Variants in SNX8 observed in about 807,000 individuals in gnomAD.
SNX8 encodes the protein sorting nexin 8, also known as sorting nexin-8.
SNX8 carries 25 observed loss-of-function variants against 51.6 expected under a neutral mutation model. That is an observed-to-expected ratio of 0.48 (90% CI 0.35 to 0.68). SNX8 has a LOEUF of 0.68. Among genes scored for constraint, SNX8 ranks in the 30% least tolerant of loss-of-function variants. The pLI is 0.00. For missense variants in SNX8, 695 were observed against 624.0 expected (o/e 1.11, Z -1.21); for synonymous variants, 324 against 277.0 (o/e 1.17, Z -1.68).
At chr7:2,321,713 CTTT>C (rs59105866) in intron 1 of SNX8, among the ~76,000 whole-genome samples, 4 of 88,668 alleles carry the variant, frequency 4.5e-5, no homozygotes, top group African/African-American at 1.6e-4. Context: ...CGCGCCCGGC[CTTT>C]TTTTTTTTTT....
In SNX8 at chr7:2,252,624, C is replaced by T. The variant is rs117311258; in HGVS notation, c.*2432G>A. ...TGCCCTCGTCACCGCTGCCCTCCAG[C>T]CCCCCCTTCACCCTGCCCTCCTGAC... On this transcript the variant is annotated 3_prime_UTR_variant, in exon 11 of 11. Transcript: ENST00000222990. 4,236 of 147,320 alleles carry T rather than the reference C, an allele frequency of 0.029. 94 individuals are homozygous for T. The highest frequency in any genetic ancestry group is 0.053 in the Middle Eastern group (15 of 284). 9.1% of individuals were successfully genotyped at this position (147,320 alleles called of 1,614,324 possible). A position where few individuals can be genotyped will look rare whatever the true frequency, so the allele number is the denominator to read the frequency against.
At chr7:2,267,546 G>A (rs1156375274) in intron 5 of SNX8, among the ~76,000 whole-genome samples, 2 of 133,840 alleles carry the variant, frequency 1.5e-5, no homozygotes, top group South Asian at 2.7e-4. Context: ...GCCCCTAACC[G>A]CGAGTGATCC....
upstream of SNX8, among the ~76,000 whole-genome samples, chr7:2,316,604 C>T (rs1000742358): frequency 2.0e-5 from 3 of 150,370 alleles, no homozygotes; most frequent in East Asian, 2.0e-4. Flanking sequence ...CACTCACTCA[C>T]GCACTGCATC....
chr7:2,288,882 C>G (rs1320218408), intron 1 of SNX8, among the ~76,000 whole-genome samples: 1 of 152,146 alleles, frequency 6.6e-6, no homozygotes, highest in African/African-American at 2.4e-5. Flanking sequence ...ACCACAGGCA[C>G]ATGCCACCAC....
At chr7:2,297,542 C>A (rs1269816482) in intron 1 of SNX8, among the ~76,000 whole-genome samples, 2 of 133,464 alleles carry the variant, frequency 1.5e-5, no homozygotes, top group African/African-American at 5.6e-5. Context: ...AGGAGCAAAA[C>A]CCCGCCGCAA....
intron 1 of SNX8, among the ~76,000 whole-genome samples, chr7:2,300,943 CCT>C (rs927718552): frequency 9.9e-5 from 15 of 152,040 alleles, no homozygotes; most frequent in African/African-American, 3.1e-4. Context: ...GTGCCCAGCC[CCT>C]GTTGTGGAGC....
intron 1 of SNX8, among the ~76,000 whole-genome samples, chr7:2,342,878 AGT>A (rs1778958733): frequency 1.3e-5 from 2 of 151,618 alleles, no homozygotes; most frequent in African/African-American, 4.8e-5. Context: ...GCTGGAGTGC[AGT>A]GGCATGATCT....
chr7:2,346,732 C>A (rs562211214), intron 1 of SNX8, among the ~76,000 whole-genome samples: 1 of 95,260 alleles, frequency 1.0e-5, no homozygotes, highest in Non-Finnish European at 2.0e-5. Flanking sequence ...GGCTGGACTC[C>A]GTCTCAAAAA....
At chr7:2,292,727 A>AAAG (rs1347014390) in intron 1 of SNX8, among the ~76,000 whole-genome samples, 1 of 152,098 alleles carries the variant, frequency 6.6e-6, no homozygotes, top group African/African-American at 2.4e-5. Flanking sequence ...AAGACTTCTT[A>AAAG]GATATGACAC....
intron 1 of SNX8, among the ~76,000 whole-genome samples, chr7:2,279,484 G>A (rs1376932301): frequency 2.6e-5 from 4 of 152,178 alleles, no homozygotes; most frequent in South Asian, 2.1e-4. Flanking sequence ...AGGCACCATG[G>A]CTCACGCCTG....
chr7:2,309,336 G>A (rs1320670349), intron 1 of SNX8, among the ~76,000 whole-genome samples: 1 of 152,140 alleles, frequency 6.6e-6, no homozygotes, highest in African/African-American at 2.4e-5. Flanking sequence ...ATCCTTCCTG[G>A]CCAACATGGC....
At chr7:2,256,808 G>A in intron 10 of SNX8, 66 bp downstream of exon 10, 4 of 1,534,460 alleles carry the variant, frequency 2.6e-6, no homozygotes, top group Non-Finnish European at 3.5e-6. Context: ...TGCCGGGCTT[G>A]AAGGAAGGGC....
chr7:2,319,318 G>A (rs1433731425), upstream of SNX8, among the ~76,000 whole-genome samples: 1 of 151,574 alleles, frequency 6.6e-6, no homozygotes, highest in Non-Finnish European at 1.5e-5. Flanking sequence ...CTCCAGCCTG[G>A]GTGACAGAGT....
chr7:2,326,355 C>A (rs1778621081), intron 1 of SNX8, among the ~76,000 whole-genome samples: 1 of 147,838 alleles, frequency 6.8e-6, no homozygotes, highest in Non-Finnish European at 1.5e-5. Flanking sequence ...GAGAGTGAGA[C>A]CCTGTCTCTT....
At chr7:2,320,891 G>T (rs932805165) in intron 1 of SNX8, among the ~76,000 whole-genome samples, 2 of 151,938 alleles carry the variant, frequency 1.3e-5, no homozygotes, top group African/African-American at 4.8e-5. Flanking sequence ...CTGGTGGTGG[G>T]TGCCTGTAAT....
intron 1 of SNX8, among the ~76,000 whole-genome samples, chr7:2,331,649 G>A (rs756989807): frequency 2.2e-4 from 34 of 151,824 alleles, no homozygotes; most frequent in Non-Finnish European, 3.7e-4. Context: ...AGCTTGCAGT[G>A]AGCCAAGATC....
chr7:2,278,146 T>C lies in SNX8; in HGVS notation c.254A>G (p.Lys85Arg). 1 of 1,614,162 alleles carries C rather than the reference T, an allele frequency of 6.2e-7. No homozygotes were observed. Among genetic ancestry groups the C allele is most frequent in the Non-Finnish European group, 8.5e-7 (1 of 1,180,014 alleles). Residue 85 changes from lysine to arginine, a missense_variant, in exon 2 of 11, where the codon AAG becomes AGG. Physicochemically the swap from Lys to Arg is conservative, Grantham distance 26. Transcript: ENST00000222990. The part of the protein sequence containing the change: ...DTVQVELIPE[K>R]KGLFLKHVEY... The stretch of plus-strand genomic sequence containing the variant: ...CACATGCTTCAGGAAGAGGCCCTTC[T>C]TCTCCGGAATGAGCTCCACCTGCAC...
At chr7:2,303,579 C>G (rs1196562297) in intron 1 of SNX8, among the ~76,000 whole-genome samples, 1 of 152,192 alleles carries the variant, frequency 6.6e-6, no homozygotes, top group Non-Finnish European at 1.5e-5. Flanking sequence ...AAGAAGTAGA[C>G]ATGGGAGACT....
At position 2,258,259 on chromosome 7, in the gene SNX8, G is replaced by A. The variant is rs1191450400; in HGVS notation, c.916-456C>T. The stretch of plus-strand genomic sequence containing the variant: ...TCTTGATCTCCAGACCTCGTGATCC[G>A]CCCGCCTCGGCCTCCCAAAGTGCTG... On this transcript the variant is annotated intron_variant, in intron 7 of 10. Transcript: ENST00000222990. 2.0e-5 allele frequency among the ~76,000 whole-genome samples: 3 copies of A among 151,966 alleles called. No homozygotes were observed. In the East Asian group the frequency reaches 5.8e-4, roughly 29 times the overall value.
Sources: gnomAD v4.1 joint callset for allele counts (sites outside exome capture counted in the v4.1 genomes callset) on GRCh38, gnomAD v4.1.1 for gene constraint, MANE v1.5 for transcripts, NCBI Gene and HGNC (gene_info 2026-07-23, HGNC 2026-07-21) for gene names.